Variants in DLG2 observed in about 807,000 individuals in gnomAD.
DLG2 encodes the protein disks large homolog 2.
DLG2 carries 45 observed loss-of-function variants against 132.5 expected under a neutral mutation model. The ratio of observed to expected loss-of-function variants is 0.34; its 90% CI spans 0.27 to 0.44. The LOEUF (loss-of-function observed/expected upper bound fraction) is 0.44. Among genes scored for constraint, DLG2 ranks in the 20% least tolerant of loss-of-function variants. The probability of loss-of-function intolerance (pLI) is 1.00; values close to 1 mark genes in which losing one functional copy is unlikely to be tolerated. For synonymous variants in DLG2, 424 were observed against 419.6 expected (o/e 1.01, Z -0.13); for missense variants, 1,045 against 1,196.9 (o/e 0.87, Z 1.87).
chr11:84,380,892 C>G (rs1421160510), intron 7 of DLG2, among the ~76,000 whole-genome samples: 1 of 151,806 alleles, frequency 6.6e-6, no homozygotes, highest in Non-Finnish European at 1.5e-5. Context: ...ATATCATATG[C>G]TACATAAATG....
chr11:84,052,308 A>G (rs753709104), intron 11 of DLG2, among the ~76,000 whole-genome samples: 2 of 151,882 alleles, frequency 1.3e-5, no homozygotes, highest in African/African-American at 4.8e-5. Flanking sequence ...ATATGCATAC[A>G]TGCATGCATA....
Position 84,784,143 on chromosome 11 carries a change from C to CAAAAAAAAA in DLG2, c.358-249421_358-249413dup, listed in dbSNP as rs59301159. 1.7e-3 allele frequency among the ~76,000 whole-genome samples: 15 copies of CAAAAAAAAA among 8,656 alleles called. 2 individuals are homozygous for CAAAAAAAAA. The highest frequency in any genetic ancestry group is 1.9e-3 in the Non-Finnish European group (10 of 5,216). 5.7% of individuals were successfully genotyped at this position (8,656 alleles called of 152,430 possible). A position where few individuals can be genotyped will look rare whatever the true frequency, so the allele number is the denominator to read the frequency against. ...TGAAACCCCATCTCTACTAAAAATGCAAAAAAAAAAAAAAAAAAAAAAAAA... is the reference window on the plus strand; with the variant it reads ...TGAAACCCCATCTCTACTAAAAATGCAAAAAAAAAAAAAAAAAAAAAAAAAAAAAAAAAA... On this transcript the variant is annotated intron_variant, in intron 6 of 27. Coordinates refer to ENST00000376104, the MANE Select transcript of DLG2 (RefSeq NM_001142699.3).
rs186197588 is a variant in DLG2 at position 85,171,364 on chromosome 11, C to T, written c.187-16713G>A. ...GTGGTGAGTGATTATGCACCCTCAT[C>T]TGGGAAACCATGGTTTCCCCATGGA... On this transcript the variant is annotated intron_variant, in intron 4 of 27. Coordinates refer to ENST00000376104, the MANE Select transcript of DLG2 (RefSeq NM_001142699.3). Among the ~76,000 whole-genome samples the T allele has an allele frequency of 7.2e-5, 11 of 152,268 alleles. No individual in the cohort carries two copies. The East Asian group carries it at 2.1e-3, about 30-fold the overall frequency.
At chr11:85,119,722 T>C (rs1229496496) in intron 5 of DLG2, among the ~76,000 whole-genome samples, 1 of 152,060 alleles carries the variant, frequency 6.6e-6, no homozygotes, top group East Asian at 1.9e-4. Flanking sequence ...TTAGTAAAAA[T>C]ATATGAAATT....
chr11:83,910,012 T>A (rs2075773685), intron 15 of DLG2, among the ~76,000 whole-genome samples: 1 of 152,194 alleles, frequency 6.6e-6, no homozygotes. Context: ...CTAATTATGC[T>A]AGGCTCTAAA....
At chr11:85,060,479 G>GTATA (rs150765698) in intron 6 of DLG2, among the ~76,000 whole-genome samples, 8 of 149,176 alleles carry the variant, frequency 5.4e-5, no homozygotes, top group African/African-American at 2.0e-4. Flanking sequence ...ATATATATGT[G>GTATA]TATATATATA....
intron 8 of DLG2, among the ~76,000 whole-genome samples, chr11:84,200,284 A>C (rs1217760553): frequency 1.3e-5 from 2 of 152,152 alleles, no homozygotes; most frequent in Non-Finnish European, 2.9e-5. Context: ...ACCAAATAAA[A>C]CACTGAAGAA....
chr11:83,717,771 G>A (rs2087101294), intron 18 of DLG2, among the ~76,000 whole-genome samples: 1 of 152,182 alleles, frequency 6.6e-6, no homozygotes, highest in African/African-American at 2.4e-5. Flanking sequence ...CAGTGACGTG[G>A]CAGTGTGGTA....
At chr11:85,473,956 G>T (rs972321715) in intron 3 of DLG2, among the ~76,000 whole-genome samples, 2 of 151,840 alleles carry the variant, frequency 1.3e-5, no homozygotes, top group Non-Finnish European at 2.9e-5. Flanking sequence ...AAAGACGATA[G>T]AAATAATTCC....
chr11:85,578,521 T>C (rs2153227960), intron 3 of DLG2, among the ~76,000 whole-genome samples: 1 of 152,212 alleles, frequency 6.6e-6, no homozygotes, highest in East Asian at 1.9e-4. Context: ...TCAGCATCTA[T>C]AAGGAACTTA....
chr11:85,333,009 G>A (rs188199172), intron 3 of DLG2, among the ~76,000 whole-genome samples: 24 of 152,138 alleles, frequency 1.6e-4, no homozygotes, highest in African/African-American at 4.6e-4. Flanking sequence ...AGTTTGATAC[G>A]AATAGCATTG....
intron 14 of DLG2, among the ~76,000 whole-genome samples, chr11:83,948,709 C>A (rs540260009): frequency 1.4e-4 from 22 of 152,022 alleles, no homozygotes; most frequent in Admixed American, 5.2e-4. Context: ...GATTTTGGAG[C>A]CCAACTGCCT....
At chr11:85,191,057 C>G (rs956668677) in intron 4 of DLG2, among the ~76,000 whole-genome samples, 1 of 152,098 alleles carries the variant, frequency 6.6e-6, no homozygotes, top group Non-Finnish European at 1.5e-5. Context: ...AAAAAGACAC[C>G]TGCACTCATA....
intron 4 of DLG2, among the ~76,000 whole-genome samples, chr11:85,171,899 C>A (rs2078903215): frequency 6.6e-6 from 1 of 152,224 alleles, no homozygotes; most frequent in Admixed American, 6.5e-5. Context: ...CTGGGTGGGG[C>A]CTCCCTGTGG....
intron 2 of DLG2, among the ~76,000 whole-genome samples, chr11:85,605,932 C>T (rs191375921): frequency 9.3e-4 from 141 of 151,898 alleles, no homozygotes; most frequent in Non-Finnish European, 1.4e-3. Flanking sequence ...GAGCTGAGAT[C>T]GTGCCACTGC....
intron 7 of DLG2, among the ~76,000 whole-genome samples, chr11:84,331,270 C>T (rs980138782): frequency 3.8e-4 from 57 of 151,938 alleles, no homozygotes; most frequent in African/African-American, 1.4e-3. Flanking sequence ...TGTAATAGTC[C>T]TGAAAGTCCC....
intron 6 of DLG2, among the ~76,000 whole-genome samples, chr11:84,915,649 G>A (rs1205856666): frequency 6.6e-6 from 1 of 152,066 alleles, no homozygotes; most frequent in Non-Finnish European, 1.5e-5. Flanking sequence ...CTATCATAAT[G>A]AACATTAGAG....
intron 6 of DLG2, among the ~76,000 whole-genome samples, chr11:84,810,023 A>G (rs1315063984): frequency 2.0e-5 from 3 of 152,090 alleles, no homozygotes; most frequent in Non-Finnish European, 2.9e-5. Flanking sequence ...GCAAAAATAG[A>G]AATAAAATAA....
chr11:84,420,834 A>G (rs572049283), intron 7 of DLG2, among the ~76,000 whole-genome samples: 1 of 145,924 alleles, frequency 6.9e-6, no homozygotes, highest in East Asian at 2.0e-4. Context: ...ACGCCCGGCT[A>G]ATTTTTTGTA....
Sources: allele counts gnomAD v4.1 joint callset (sites outside exome capture counted in the v4.1 genomes callset), GRCh38; gene constraint gnomAD v4.1.1; transcripts MANE v1.5; gene names NCBI Gene and HGNC (gene_info 2026-07-23, HGNC 2026-07-21).